The following CRTAC1 variants were observed in gnomAD, a reference collection of about 807,000 sequenced individuals.
CRTAC1 encodes the protein cartilage acidic protein 1.
Under a neutral mutation model 67.8 loss-of-function variants are expected in CRTAC1, and 37 were observed. That is an observed-to-expected ratio of 0.55 (90% CI 0.42 to 0.72). CRTAC1 has a LOEUF of 0.72. Among genes scored for constraint, CRTAC1 ranks in the 30% least tolerant of loss-of-function variants. CRTAC1 has a pLI of 0.00. For synonymous variants in CRTAC1, 348 were observed against 371.0 expected, an observed-to-expected ratio of 0.94 and a Z score of 0.71; for missense variants, 780 against 931.6, an observed-to-expected ratio of 0.84 and a Z score of 2.12.
chr10:97,865,345 G>GTCT lies in CRTAC1; in HGVS notation c.*200_*202dup. On this transcript the variant is annotated 3_prime_UTR_variant, in exon 15 of 15. Coordinates refer to ENST00000370597, the MANE Select transcript of CRTAC1 (RefSeq NM_018058.7). ...TAAGCGCCATCAGGGCAGCGACCCT[G>GTCT]TCTGCTGTGATCACAGCTATGTGCC... 1.8e-6 allele frequency: 1 copy of GTCT among 556,006 alleles called. No homozygotes were observed. Among genetic ancestry groups the GTCT allele is most frequent in the East Asian group, 3.1e-5 (1 of 32,726 alleles). 34.4% of individuals were successfully genotyped at this position (556,006 alleles called of 1,614,324 possible). A position where few individuals can be genotyped will look rare whatever the true frequency, so the allele number is the denominator to read the frequency against.
chr10:97,944,827 A>G (rs2051239704), intron 2 of CRTAC1, among the ~76,000 whole-genome samples: 1 of 152,170 alleles, frequency 6.6e-6, no homozygotes, highest in Non-Finnish European at 1.5e-5. Context: ...ATGCTCTGAA[A>G]TCAAAGCTAG....
intron 2 of CRTAC1, among the ~76,000 whole-genome samples, chr10:98,002,329 G>A (rs529164543): frequency 3.3e-5 from 5 of 151,460 alleles, no homozygotes; most frequent in African/African-American, 9.7e-5. Flanking sequence ...TGAAAATCAG[G>A]TTTTTTTTTG....
At chr10:97,963,783 G>A (rs1372934033) in intron 2 of CRTAC1, among the ~76,000 whole-genome samples, 1 of 152,166 alleles carries the variant, frequency 6.6e-6, no homozygotes, top group African/African-American at 2.4e-5. Context: ...ACCATGTATT[G>A]ATATTTATTT....
intron 4 of CRTAC1, among the ~76,000 whole-genome samples, chr10:97,918,020 A>G (rs2050784619): frequency 6.6e-6 from 1 of 152,084 alleles, no homozygotes; most frequent in African/African-American, 2.4e-5. Flanking sequence ...TGCTCAATAA[A>G]TATTTGCTGA....
chr10:97,972,781 T>C (rs1055086398), intron 2 of CRTAC1, among the ~76,000 whole-genome samples: 3 of 152,218 alleles, frequency 2.0e-5, no homozygotes, highest in Non-Finnish European at 4.4e-5. Flanking sequence ...GGAATTATTG[T>C]GGCATAATAC....
chr10:98,000,428 C>T (rs1305187393), intron 2 of CRTAC1, among the ~76,000 whole-genome samples: 1 of 152,238 alleles, frequency 6.6e-6, no homozygotes, highest in African/African-American at 2.4e-5. Flanking sequence ...TTGCAGAGAG[C>T]AGGCACCCAT....
At chr10:97,957,783 G>A (rs1005862246) in intron 2 of CRTAC1, among the ~76,000 whole-genome samples, 2 of 152,172 alleles carry the variant, frequency 1.3e-5, no homozygotes, top group Non-Finnish European at 2.9e-5. Flanking sequence ...CCATCCCCAG[G>A]AGGCTAGGAA....
chr10:97,886,941 G>A (rs933882318), intron 11 of CRTAC1, among the ~76,000 whole-genome samples: 4 of 151,770 alleles, frequency 2.6e-5, no homozygotes, highest in African/African-American at 7.3e-5. Flanking sequence ...CACCACACCC[G>A]GCCAGATTTC....
intron 6 of CRTAC1, 78 bp from the exon 7 acceptor site, chr10:97,904,892 G>T: frequency 6.9e-7 from 1 of 1,440,454 alleles, no homozygotes; most frequent in Non-Finnish European, 9.1e-7. Flanking sequence ...CTAGCTCTGT[G>T]ACAAGCAACT....
intron 2 of CRTAC1, among the ~76,000 whole-genome samples, chr10:97,984,630 C>A (rs2051950279): frequency 6.6e-6 from 1 of 152,144 alleles, no homozygotes; most frequent in Admixed American, 6.6e-5. Context: ...AACAAGGCTC[C>A]CAAGGTCATC....
At chr10:97,881,108 C>A (rs1164103863) in intron 13 of CRTAC1, among the ~76,000 whole-genome samples, 1 of 152,184 alleles carries the variant, frequency 6.6e-6, no homozygotes, top group African/African-American at 2.4e-5. Flanking sequence ...CCAATCCACT[C>A]TGCAATTCAG....
chr10:97,970,593 G>A (rs1035322378), intron 2 of CRTAC1, among the ~76,000 whole-genome samples: 1 of 152,118 alleles, frequency 6.6e-6, no homozygotes, highest in East Asian at 1.9e-4. Context: ...TCCCTCCCTC[G>A]GGTTGCCTCA....
At chr10:97,961,748 A>G (rs2051529181) in intron 2 of CRTAC1, among the ~76,000 whole-genome samples, 1 of 152,204 alleles carries the variant, frequency 6.6e-6, no homozygotes, top group African/African-American at 2.4e-5. Context: ...GGTTCCATTC[A>G]TTGACTGGAT....
intron 2 of CRTAC1, among the ~76,000 whole-genome samples, chr10:97,997,981 T>G (rs538666194): frequency 4.6e-5 from 7 of 152,262 alleles, no homozygotes; most frequent in Non-Finnish European, 8.8e-5. Flanking sequence ...AGACTTGCTT[T>G]TTTTTTGAGA....
chr10:97,895,423 G>T lies in CRTAC1; in HGVS notation c.1318-10C>A, dbSNP rs755504069. The T allele has an allele frequency of 1.9e-6, 3 of 1,585,260 alleles. No individual in the cohort carries two copies. In the Admixed American group the frequency reaches 5.3e-5, roughly 28 times the overall value. ...AGTTGTTGTTGAAGCCCTGCAGAGA[G>T]GGTGAGAGGCAGACACCCGGTGGGC... On this transcript the variant is annotated splice_polypyrimidine_tract_variant and intron_variant, in intron 10 of 14. Coordinates refer to ENST00000370597, the MANE Select transcript of CRTAC1 (RefSeq NM_018058.7). The surrounding 1 kb of genome is among the most constrained non-coding windows in gnomAD (Gnocchi z 4.2).
At chr10:98,023,483 G>C (rs561167993) in intron 1 of CRTAC1, among the ~76,000 whole-genome samples, 31 of 152,316 alleles carry the variant, frequency 2.0e-4, no homozygotes, top group African/African-American at 7.0e-4. Flanking sequence ...GAGAACAAAT[G>C]ACGGTGTCTC....
chr10:97,923,127 T>A, intron 4 of CRTAC1, 137 bp downstream of exon 4: 1 of 897,114 alleles, frequency 1.1e-6, no homozygotes, highest in Non-Finnish European at 1.7e-6. Context: ...CTGCAAGTCT[T>A]AGTTGTTGGT....
intron 11 of CRTAC1, among the ~76,000 whole-genome samples, chr10:97,890,697 C>A (rs1345641231): frequency 3.5e-5 from 5 of 143,300 alleles, no homozygotes; most frequent in Non-Finnish European, 7.6e-5. Context: ...GACGGAGTTT[C>A]GCTTTTGTTG....
intron 2 of CRTAC1, among the ~76,000 whole-genome samples, chr10:98,002,740 A>T (rs1428723043): frequency 9.5e-6 from 1 of 105,278 alleles, no homozygotes; most frequent in Non-Finnish European, 2.0e-5. Context: ...GTATGCTTTT[A>T]GGAATTCTTT....
Sources: allele counts gnomAD v4.1 joint callset (sites outside exome capture counted in the v4.1 genomes callset), GRCh38; gene constraint gnomAD v4.1.1; non-coding constraint Gnocchi (gnomAD v3.1); transcripts MANE v1.5; gene names NCBI Gene and HGNC (gene_info 2026-07-23, HGNC 2026-07-21).